RNF150: variants seen among roughly 807,000 people sequenced by gnomAD.
The protein encoded by RNF150 is ring finger protein 150.
A neutral mutation model predicts 39.3 loss-of-function variants in RNF150; 24 were observed. The ratio of observed to expected loss-of-function variants is 0.61; its 90% CI spans 0.44 to 0.86. The LOEUF is 0.86. RNF150 is among the 40% of genes least tolerant of loss of function. The pLI, the probability that RNF150 is intolerant of heterozygous loss-of-function variation, is 0.00. For missense variants in RNF150, 502 were observed against 587.8 expected (o/e 0.85, Z 1.51); for synonymous variants, 255 against 227.3 (o/e 1.12, Z -1.10).
chr4:141,132,479 G>A lies in RNF150; in HGVS notation c.330C>T (p.Ala110=). 2 of 1,608,774 alleles carry A rather than the reference G, an allele frequency of 1.2e-6. No homozygotes were observed. Among genetic ancestry groups the A allele is most frequent in the African/African-American group, 1.3e-5 (1 of 75,022 alleles). Residue 110 remains alanine (A), a synonymous_variant, in exon 1 of 7, where the codon GCC becomes GCT. Coordinates refer to ENST00000515673, the MANE Select transcript of RNF150 (RefSeq NM_020724.2). This position sits in a 1 kb window ranked among gnomAD's most constrained non-coding sequence, Gnocchi z 4.9. The stretch of plus-strand genomic sequence containing the variant: ...CTATCCAGTTCTTGCCGCGGGTCGG[G>A]GCGGCGAACTTGGTGTTGGGGTCGC... ...LACDPNTKFA[A]PTRGKNWIAL...
chr4:140,947,908 C>T (rs6857782), intron 3 of RNF150, among the ~76,000 whole-genome samples, 172 bp from the exon 4 acceptor site: 83,266 of 152,042 alleles, frequency 0.55, 23,540 homozygotes, highest in Non-Finnish European at 0.62. Context: ...CTTCCAACCT[C>T]TACTTCTTGT....
In RNF150 at chr4:141,085,281, C is replaced by T. The variant is rs996674165; in HGVS notation, c.484+47044G>A. Among the ~76,000 whole-genome samples, 8 of 152,064 alleles carry T rather than the reference C, an allele frequency of 5.3e-5. 1 individual carries two copies. Among genetic ancestry groups the T allele is most frequent in the South Asian group, 4.1e-4 (2 of 4,826 alleles). ...AGAACAGCATGGGAAAAACTGGCCC[C>T]GATGATCAATTAACTCCCACCAGGT... On this transcript the variant is annotated intron_variant, in intron 1 of 6. Transcript: ENST00000515673.
intron 1 of RNF150, among the ~76,000 whole-genome samples, chr4:141,050,042 A>G (rs560071886): frequency 6.6e-5 from 10 of 152,246 alleles, no homozygotes; most frequent in African/African-American, 2.4e-4. Context: ...AAAGCTAAAT[A>G]TAAGTAATAA....
intron 1 of RNF150, among the ~76,000 whole-genome samples, chr4:140,969,284 T>C (rs1733365208): frequency 6.6e-6 from 1 of 152,176 alleles, no homozygotes; most frequent in Non-Finnish European, 1.5e-5. Flanking sequence ...ACATCAATTA[T>C]ATATTTAAAA....
intron 1 of RNF150, among the ~76,000 whole-genome samples, chr4:141,212,077 C>T (rs768672585): frequency 1.3e-5 from 2 of 152,156 alleles, no homozygotes; most frequent in Non-Finnish European, 2.9e-5. Flanking sequence ...GTTCCAGGTG[C>T]TACCAAGACA....
intron 5 of RNF150, among the ~76,000 whole-genome samples, chr4:140,912,886 C>T (rs754424841): frequency 9.2e-5 from 14 of 151,890 alleles, no homozygotes; most frequent in Non-Finnish European, 1.8e-4. Flanking sequence ...TATTCTCTCC[C>T]CATTACCAGT....
intron 2 of RNF150, among the ~76,000 whole-genome samples, chr4:140,956,534 TA>T (rs952295809): frequency 5.9e-5 from 9 of 151,914 alleles, no homozygotes; most frequent in Admixed American, 4.6e-4. Flanking sequence ...GGAAGCCCCT[TA>T]AGGTGAGGAA....
intron 6 of RNF150, among the ~76,000 whole-genome samples, chr4:140,894,214 G>A (rs1354191425): frequency 2.0e-5 from 3 of 147,172 alleles, no homozygotes; most frequent in African/African-American, 4.9e-5. Context: ...GAGGGGCAAT[G>A]TCATCCTAGC....
intron 2 of RNF150, among the ~76,000 whole-genome samples, chr4:140,963,769 T>A: frequency 1.3e-5 from 2 of 152,156 alleles, no homozygotes; most frequent in Admixed American, 1.3e-4. Flanking sequence ...TCCATTTATT[T>A]TAATAGATCT....
In RNF150 at chr4:141,000,019, A is replaced by G. The variant is rs1355521450; in HGVS notation, c.485-32146T>C. Among the ~76,000 whole-genome samples, 15 of 39,048 alleles carry G rather than the reference A, an allele frequency of 3.8e-4. 1 individual carries two copies. Among genetic ancestry groups the G allele is most frequent in the Admixed American group, 2.9e-3 (9 of 3,144 alleles). The allele number at this position is 39,048 out of a possible 152,430, so 25.6% of individuals were successfully genotyped here. On this transcript the variant is annotated intron_variant, in intron 1 of 6. Coordinates refer to ENST00000515673, the MANE Select transcript of RNF150 (RefSeq NM_020724.2). ...AAGAAGAAGAAGAAGAAGAAGAAGA[A>G]GAAGAAGAAGAAGAAGAAGAAGAAG...
At chr4:141,048,885 T>C (rs192559711) in intron 1 of RNF150, among the ~76,000 whole-genome samples, 140 of 152,326 alleles carry the variant, frequency 9.2e-4, no homozygotes, top group Admixed American at 5.2e-4. Context: ...ACCAAGATGA[T>C]TGAAGCCAAC....
rs372029197 is a variant in RNF150 at position 140,911,242 on chromosome 4, A to G, written c.1100T>C (p.Val367Ala). 2.2e-5 allele frequency: 36 copies of G among 1,613,920 alleles called. No homozygotes were observed. The highest frequency in any genetic ancestry group is 3.1e-5 in the Non-Finnish European group (36 of 1,180,014). ...AGTCCGGACAGCAGGGTCCAAAGTGACTGAACTTTCATTCACTGTTGTGTC... is the reference window on the plus strand; with the variant it reads ...AGTCCGGACAGCAGGGTCCAAAGTGGCTGAACTTTCATTCACTGTTGTGTC... ...ASDTTVNESS[V>A]TLDPAVRTVG... Residue 367 changes from valine (V) to alanine (A), a missense_variant, in exon 6 of 7, where the codon GTC (valine) becomes GCC (alanine). Coordinates refer to ENST00000515673, the MANE Select transcript of RNF150 (RefSeq NM_020724.2).
At chr4:141,066,057 C>A (rs1737444194) in intron 1 of RNF150, among the ~76,000 whole-genome samples, 1 of 151,946 alleles carries the variant, frequency 6.6e-6, no homozygotes, top group African/African-American at 2.4e-5. Context: ...TCTTCTAACC[C>A]TTCGCCCTCA....
intron 1 of RNF150, among the ~76,000 whole-genome samples, chr4:141,168,680 A>G (rs1727644019): frequency 6.6e-6 from 1 of 152,184 alleles, no homozygotes; most frequent in Non-Finnish European, 1.5e-5. Flanking sequence ...CATTCTCAGT[A>G]AACTAACACA....
At chr4:141,073,427 C>T (rs1357796541) in intron 1 of RNF150, among the ~76,000 whole-genome samples, 1 of 152,146 alleles carries the variant, frequency 6.6e-6, no homozygotes, top group African/African-American at 2.4e-5. Flanking sequence ...TTCTGAGATC[C>T]CTGTGCCTCA....
intron 5 of RNF150, 50 bp from the exon 6 acceptor site, chr4:140,911,404 G>A: frequency 6.7e-7 from 1 of 1,486,954 alleles, no homozygotes; most frequent in Non-Finnish European, 9.3e-7. Context: ...TCCACTTAGA[G>A]ATTAAATGTC....
chr4:141,014,728 T>C (rs567431633), intron 1 of RNF150, among the ~76,000 whole-genome samples: 1 of 152,326 alleles, frequency 6.6e-6, no homozygotes, highest in East Asian at 1.9e-4. Context: ...TTATATCTTC[T>C]GGATATTAGC....
intron 1 of RNF150, among the ~76,000 whole-genome samples, chr4:140,995,531 A>G (rs987031197): frequency 1.3e-5 from 2 of 152,068 alleles, no homozygotes; most frequent in African/African-American, 4.8e-5. Context: ...CATTCTAGGG[A>G]ATGGTAAACT....
chr4:140,918,322 A>G (rs908697587), intron 5 of RNF150, among the ~76,000 whole-genome samples: 4 of 152,224 alleles, frequency 2.6e-5, no homozygotes, highest in Non-Finnish European at 5.9e-5. Context: ...AAAAGAGAGA[A>G]GAATCAAATA....
Sources: allele counts gnomAD v4.1 joint callset (sites outside exome capture counted in the v4.1 genomes callset), GRCh38; gene constraint gnomAD v4.1.1; non-coding constraint Gnocchi (gnomAD v3.1); transcripts MANE v1.5; gene names NCBI Gene and HGNC (gene_info 2026-07-23, HGNC 2026-07-21).